The following KIR3DL1 variants were observed in gnomAD, a reference collection of about 807,000 sequenced individuals.
KIR3DL1 encodes the protein killer cell immunoglobulin like receptor, three Ig domains and long cytoplasmic tail 1, also known as killer cell immunoglobulin-like receptor 3DL1.
KIR3DL1 carries 50 observed loss-of-function variants against 40.3 expected under a neutral mutation model. That is an observed-to-expected ratio of 1.24 (90% CI 0.99 to 1.57). The LOEUF is 1.57. KIR3DL1 is among the 40% of genes most tolerant of loss of function. The pLI is 0.00. For synonymous variants in KIR3DL1, 257 were observed against 207.2 expected (o/e 1.24, Z -2.07); for missense variants, 661 against 559.9 (o/e 1.18, Z -1.82).
chr19:54,818,989 C>G (rs149433997), intron 3 of KIR3DL1, among the ~76,000 whole-genome samples: 1,904 of 150,774 alleles, frequency 0.013, 84 homozygotes, highest in African/African-American at 0.044. Context: ...GAGACGCTAT[C>G]AGCCACTGCG....
intron 3 of KIR3DL1, among the ~76,000 whole-genome samples, chr19:54,819,276 A>G (rs1386443000): frequency 2.2e-5 from 3 of 135,148 alleles, no homozygotes; most frequent in African/African-American, 7.7e-5. Context: ...AAACCAAACA[A>G]GGATAGCCAG....
chr19:54,828,217 T>C (rs2062010599), intron 6 of KIR3DL1, among the ~76,000 whole-genome samples: 2 of 151,152 alleles, frequency 1.3e-5, no homozygotes, highest in Non-Finnish European at 2.9e-5. Context: ...TACTTCGCTT[T>C]TTTTATATTG....
At chr19:54,819,806 T>C (rs748716415) in exon 4 of KIR3DL1, 2 of 1,611,932 alleles carry the variant, frequency 1.2e-6, no homozygotes, top group Non-Finnish European at 1.7e-6. Flanking sequence ...GATATCATGT[T>C]TGAGCACTTC....
Position 54,819,706 on chromosome 19 carries a change from T to C in KIR3DL1, c.356-7T>C. On this transcript the variant is annotated splice_polypyrimidine_tract_variant and splice_region_variant and intron_variant, in intron 3 of 8. Coordinates refer to ENST00000391728, the Ensembl canonical transcript of KIR3DL1. ...ATGCCTTCTAAACTCACAACTTCTC[T>C]TTCTAGGAAACCACAGAAAACCTTC... 2 of 1,606,188 alleles carry C rather than the reference T, an allele frequency of 1.2e-6. No homozygotes were observed.
chr19:54,828,435 T>A (rs62124150), intron 6 of KIR3DL1, among the ~76,000 whole-genome samples: 1 of 149,934 alleles, frequency 6.7e-6, no homozygotes, highest in African/African-American at 2.5e-5. Flanking sequence ...ACACAGAGAA[T>A]ACGTTACATA....
At position 54,824,911 on chromosome 19, in the gene KIR3DL1, C is replaced by A. The variant is rs2061804819; in HGVS notation, c.950-117C>A. ...AATTATGGAGAAGAGGATCCCAAGA[C>A]TCCCAGGGTCCAACATTAGATAACA... On this transcript the variant is annotated intron_variant, in intron 5 of 8. Coordinates refer to ENST00000391728, the Ensembl canonical transcript of KIR3DL1. 6.1e-6 allele frequency: 6 copies of A among 990,436 alleles called. No individual in the cohort carries two copies. The Admixed American group carries it at 7.6e-5, about 13-fold the overall frequency. 61.4% of individuals were successfully genotyped at this position (990,436 alleles called of 1,614,324 possible).
In KIR3DL1 at chr19:54,830,171, A is replaced by G; in HGVS notation, c.1231A>G (p.Ile411Val). 14 of 1,524,172 alleles carry G rather than the reference A, an allele frequency of 9.2e-6. 3 individuals carry two copies. The highest frequency in any genetic ancestry group is 1.2e-5 in the Non-Finnish European group (14 of 1,122,780). 94.4% of individuals were successfully genotyped at this position (1,524,172 alleles called of 1,614,324 possible). A position where few individuals can be genotyped will look rare whatever the true frequency, so the allele number is the denominator to read the frequency against. Residue 411 changes from isoleucine to valine, a missense_variant, in exon 9 of 9, where the codon ATC becomes GTC. This residue lies in a region of KIR3DL1 where 107 missense variants were observed against 129.4 expected (regional missense o/e 0.83). Transcript: ENST00000391728. ...TCACTGCGTTTTCACACAGAGAAAAATCACTCGCCCTTCTCAGAGGCCCAA... is the reference window on the plus strand; with the variant it reads ...TCACTGCGTTTTCACACAGAGAAAAGTCACTCGCCCTTCTCAGAGGCCCAA...
chr19:54,817,213 G>T (rs2061391842), intron 1 of KIR3DL1, among the ~76,000 whole-genome samples: 1 of 146,646 alleles, frequency 6.8e-6, no homozygotes, highest in East Asian at 2.1e-4. Context: ...CTGGAGTTGA[G>T]ATAGGAGCCT....
chr19:54,820,482 T>G (rs191995230), intron 4 of KIR3DL1, among the ~76,000 whole-genome samples: 4,988 of 151,590 alleles, frequency 0.033, 249 homozygotes, highest in South Asian at 0.11. Context: ...CTGCCTTCCA[T>G]GCAATGGAGA....
chr19:54,818,347 C>A lies in KIR3DL1; in HGVS notation c.103C>A (p.Pro35Thr). ...GGACAAACCCTTCCTGTCTGCCTGG[C>A]CCAGCGCTGTGGTGCCTCGAGGAGG... Residue 35 changes from proline to threonine, a missense_variant, in exon 3 of 9, where the codon CCC (proline) becomes ACC (threonine). By Grantham distance (38) the Pro-to-Thr change is conservative (BLOSUM62 -1). Transcript: ENST00000391728. The A allele has an allele frequency of 1.2e-6, 2 of 1,604,582 alleles. 1 individual carries two copies. The highest frequency in any genetic ancestry group is 4.5e-5 in the East Asian group (2 of 44,588).
At position 54,829,834 on chromosome 19, in the gene KIR3DL1, A is replaced by G; in HGVS notation, c.1106-94A>G. 11 of 1,225,082 alleles carry G rather than the reference A, an allele frequency of 9.0e-6. 3 individuals are homozygous for G. The highest frequency in any genetic ancestry group is 1.3e-5 in the Non-Finnish European group (11 of 873,068). 75.9% of individuals were successfully genotyped at this position (1,225,082 alleles called of 1,614,324 possible). On this transcript the variant is annotated intron_variant, in intron 7 of 8. Coordinates refer to ENST00000391728, the Ensembl canonical transcript of KIR3DL1. ...TGTTGGCAACTGAGGGACCTCAGGC[A>G]CCTATGGCCTCCCCCTGTTTGTTGG... is the stretch of plus-strand genomic sequence containing the variant.
intron 6 of KIR3DL1, among the ~76,000 whole-genome samples, chr19:54,828,549 A>C (rs868271535): frequency 2.6e-5 from 4 of 151,042 alleles, no homozygotes; most frequent in African/African-American, 9.9e-5. Context: ...AGACATGTGG[A>C]GTCACCCCAT....
Position 54,818,607 on chromosome 19 carries a change from G to T in KIR3DL1, c.355+8G>T. On this transcript the variant is annotated splice_region_variant and intron_variant, in intron 3 of 8. Coordinates refer to ENST00000391728, the Ensembl canonical transcript of KIR3DL1. ...TGGTGATCATGGTCACAGGTCAGAG[G>T]CTTTCCGTCTGGGCTTCTCACTGTC... 1.2e-6 allele frequency: 2 copies of T among 1,606,124 alleles called. No individual in the cohort carries two copies. Among genetic ancestry groups the T allele is most frequent in the South Asian group, 1.1e-5 (1 of 90,332 alleles).
chr19:54,820,101 A>G (rs2061561963), intron 4 of KIR3DL1, 89 bp downstream of exon 4: 13 of 1,380,752 alleles, frequency 9.4e-6, no homozygotes, highest in Non-Finnish European at 1.2e-5. Context: ...CATGAGGAAG[A>G]TAAGTGTGGG....
intron 6 of KIR3DL1, 82 bp from the exon 7 acceptor site, chr19:54,829,279 C>T: frequency 8.6e-7 from 1 of 1,167,440 alleles, no homozygotes; most frequent in Admixed American, 1.9e-5. Context: ...TAAGTGGTTA[C>T]CTGTCAATCA....
At chr19:54,818,502 C>T (rs760820588) in exon 3 of KIR3DL1, 2 of 1,611,282 alleles carry the variant, frequency 1.2e-6, no homozygotes, top group Admixed American at 1.7e-5. Flanking sequence ...GCCCTGTGAC[C>T]ACAGCACATG....
chr19:54,828,147 A>G (rs1031605740), intron 6 of KIR3DL1, among the ~76,000 whole-genome samples: 2 of 150,918 alleles, frequency 1.3e-5, no homozygotes, highest in African/African-American at 4.9e-5. Context: ...GATCACAAAG[A>G]GTAGCACATT....
chr19:54,830,120 G>C (rs1130513), exon 9 of KIR3DL1: 364,178 of 1,518,800 alleles, frequency 0.24, 94,507 homozygotes, highest in Non-Finnish European at 0.25. Context: ...ACAAGACCCT[G>C]AGGAGGTGAC....
At chr19:54,817,442 G>GTAA (rs2061406653) in intron 1 of KIR3DL1, 92 bp from the exon 2 acceptor site, 22 of 1,097,230 alleles carry the variant, frequency 2.0e-5, no homozygotes, top group Non-Finnish European at 2.9e-5. Context: ...GCCCAGCAAG[G>GTAA]GCCTGGCTGC....
Sources: gnomAD v4.1 joint callset for allele counts (sites outside exome capture counted in the v4.1 genomes callset) on GRCh38, gnomAD v4.1.1 for gene constraint, gnomAD v4.1.1 regional missense constraint, MANE v1.5 for transcripts, NCBI Gene and HGNC (gene_info 2026-07-23, HGNC 2026-07-21) for gene names.